Variants in ANKRD30B observed in about 807,000 individuals in gnomAD.
ANKRD30B encodes ankyrin repeat domain 30B.
A neutral mutation model predicts 202.2 loss-of-function variants in ANKRD30B; 144 were observed. That is an observed-to-expected ratio of 0.71 (90% CI 0.62 to 0.82). ANKRD30B has a LOEUF of 0.82. Among genes scored for constraint, ANKRD30B ranks in the 40% least tolerant of loss-of-function variants. ANKRD30B has a pLI of 0.00. For synonymous variants in ANKRD30B, 508 were observed against 561.3 expected (o/e 0.91, Z 1.34); for missense variants, 1,487 against 1,669.1 (o/e 0.89, Z 1.90).
intron 18 of ANKRD30B, among the ~76,000 whole-genome samples, chr18:14,796,695 G>C (rs1172551581): frequency 1.3e-5 from 2 of 151,598 alleles, no homozygotes; most frequent in Non-Finnish European, 2.9e-5. Flanking sequence ...TCGGCAGGTT[G>C]AGACATAATA....
chr18:14,910,471 TAC>T, the ANKRD30B span, among the ~76,000 whole-genome samples: 3 of 149,816 alleles, frequency 2.0e-5, no homozygotes, highest in African/African-American at 7.4e-5. Flanking sequence ...TACATATATA[TAC>T]ACAATGTAAA....
chr18:14,830,287 T>A (rs746322774), intron 33 of ANKRD30B: 1 of 153,114 alleles, frequency 6.5e-6, no homozygotes, highest in African/African-American at 2.4e-5. Context: ...TCAGTTTTTC[T>A]AGCAGTCTCT....
the ANKRD30B span, among the ~76,000 whole-genome samples, chr18:14,895,378 G>A: frequency 6.6e-6 from 1 of 152,358 alleles, no homozygotes; most frequent in Non-Finnish European, 1.5e-5. Flanking sequence ...AAAACTGACA[G>A]TGCTGTACGC....
intron 22 of ANKRD30B, 78 bp downstream of exon 22, chr18:14,799,373 C>G: frequency 7.8e-7 from 1 of 1,287,598 alleles, no homozygotes; most frequent in Non-Finnish European, 1.0e-6. Flanking sequence ...TTTTTATTCC[C>G]AATGTTGTTT....
intron 8 of ANKRD30B, among the ~76,000 whole-genome samples, chr18:14,770,009 A>G (rs1916869741): frequency 6.6e-6 from 1 of 152,206 alleles, no homozygotes; most frequent in Non-Finnish European, 1.5e-5. Context: ...AATCATATTT[A>G]GAGGCTATAT....
At chr18:14,835,207 G>T (rs563062233) in intron 34 of ANKRD30B, among the ~76,000 whole-genome samples, 1 of 151,800 alleles carries the variant, frequency 6.6e-6, no homozygotes, top group East Asian at 1.9e-4. Context: ...CACTGTCAAA[G>T]AAATGTAGAA....
intron 7 of ANKRD30B, among the ~76,000 whole-genome samples, chr18:14,766,529 G>A (rs1187078382): frequency 6.8e-5 from 8 of 118,286 alleles, no homozygotes; most frequent in Non-Finnish European, 2.0e-5. Context: ...AAAATTGTCA[G>A]GTCAGCAGAG....
At chr18:14,798,792 G>A (rs1473836353) in intron 20 of ANKRD30B, among the ~76,000 whole-genome samples, 3 of 152,138 alleles carry the variant, frequency 2.0e-5, no homozygotes, top group Non-Finnish European at 4.4e-5. Flanking sequence ...GCAGGGGGTA[G>A]CACATCACCC....
intron 4 of ANKRD30B, among the ~76,000 whole-genome samples, chr18:14,756,152 C>G (rs1652871958): frequency 6.6e-6 from 1 of 152,148 alleles, no homozygotes; most frequent in South Asian, 2.1e-4. Flanking sequence ...CTCTGATGGC[C>G]AGTGATGGTG....
chr18:14,864,395 AT>A, the ANKRD30B span, among the ~76,000 whole-genome samples: 2 of 152,024 alleles, frequency 1.3e-5, no homozygotes, highest in African/African-American at 4.8e-5. Flanking sequence ...CATATCAATT[AT>A]TTTTTCTGAG....
At chr18:14,822,357 A>C (rs1970463257) in intron 30 of ANKRD30B, 126 bp from the exon 31 acceptor site, 2 of 707,574 alleles carry the variant, frequency 2.8e-6, no homozygotes, top group East Asian at 3.9e-5. Flanking sequence ...AAAAGACCCC[A>C]AAACCTAGTG....
chr18:14,792,067 C>T (rs1271133281), intron 16 of ANKRD30B, among the ~76,000 whole-genome samples: 2 of 152,154 alleles, frequency 1.3e-5, no homozygotes, highest in Non-Finnish European at 2.9e-5. Context: ...TGCATGGCCA[C>T]ACATGTATAT....
At chr18:14,935,940 G>T in the ANKRD30B span, among the ~76,000 whole-genome samples, 3,802 of 152,312 alleles carry the variant, frequency 0.025, 120 homozygotes, top group African/African-American at 0.068. Context: ...CTTCAAACTT[G>T]CACTTAAGGA....
At position 14,854,486 on chromosome 18, in the gene ANKRD30B, T is replaced by A. The variant is rs1972008769; in HGVS notation, c.*328T>A. Among the ~76,000 whole-genome samples the A allele has an allele frequency of 6.6e-6, 1 of 152,164 alleles. No homozygotes were observed. Among genetic ancestry groups the A allele is most frequent in the Non-Finnish European group, 1.5e-5 (1 of 68,034 alleles). ...CAGTCTTTGCTCCAGAAATGAATCC[T>A]TATCATGAATCCCTGACACGTTCAG... On this transcript the variant is annotated 3_prime_UTR_variant, in exon 44 of 44. Coordinates refer to ENST00000690538, the MANE Select transcript of ANKRD30B (RefSeq NM_001367607.2).
intron 36 of ANKRD30B, among the ~76,000 whole-genome samples, chr18:14,839,485 A>C (rs1971323404): frequency 1.3e-5 from 2 of 152,180 alleles, no homozygotes; most frequent in African/African-American, 4.8e-5. Context: ...TGGGGTAACC[A>C]CCAATGTCAT....
rs761677966 is a variant in ANKRD30B at position 14,763,957 on chromosome 18, G to T, written c.1092G>T (p.Glu364Asp). 6 of 1,608,026 alleles carry T rather than the reference G, an allele frequency of 3.7e-6. No individual in the cohort carries two copies. Among genetic ancestry groups the T allele is most frequent in the African/African-American group, 1.3e-5 (1 of 74,482 alleles). Residue 364 changes from glutamate to aspartate, a missense_variant, in exon 7 of 44, where the codon GAG becomes GAT. Glu to Asp is a conservative substitution (Grantham distance 45). Transcript: ENST00000690538. Reference protein sequence around the residue: ...AKERSRKITWEEKETSVKTEC... With the variant: ...AKERSRKITWDEKETSVKTEC... ...AAAGATCTAGGAAGATCACATGGGAGGAAAAAGAAACATCTGTAAAGACTG... is the reference window on the plus strand; with the variant it reads ...AAAGATCTAGGAAGATCACATGGGATGAAAAAGAAACATCTGTAAAGACTG...
intron 15 of ANKRD30B, among the ~76,000 whole-genome samples, chr18:14,789,997 T>G (rs1217736297): frequency 6.6e-6 from 1 of 152,206 alleles, no homozygotes. Context: ...GCCATTTTCA[T>G]GATATTCATT....
chr18:14,885,992 C>T, the ANKRD30B span, among the ~76,000 whole-genome samples: 1 of 151,804 alleles, frequency 6.6e-6, no homozygotes, highest in African/African-American at 2.4e-5. Flanking sequence ...CAAAGCTTTC[C>T]ATTCATAAAC....
intron 1 of ANKRD30B, 127 bp downstream of exon 1, chr18:14,748,767 G>T (rs1912906884): frequency 2.9e-6 from 3 of 1,043,508 alleles, no homozygotes; most frequent in African/African-American, 1.6e-5. Flanking sequence ...GGGCGATGGG[G>T]CGGCCGTCCT....
Sources: gnomAD v4.1 joint callset for allele counts (sites outside exome capture counted in the v4.1 genomes callset) on GRCh38, gnomAD v4.1.1 for gene constraint, MANE v1.5 for transcripts, NCBI Gene and HGNC (gene_info 2026-07-23, HGNC 2026-07-21) for gene names.